SAMD10: variants seen among roughly 807,000 people sequenced by gnomAD.
The protein encoded by SAMD10 is sterile alpha motif domain containing 10.
In SAMD10, 16 loss-of-function variants were observed where a neutral mutation model predicts 22.5. The observed-to-expected ratio is 0.71, with a 90% CI of 0.48 to 1.08. The LOEUF is 1.08. SAMD10 is among the 50% of genes least tolerant of loss of function. SAMD10 has a pLI of 0.00. For synonymous variants in SAMD10, 118 were observed against 122.2 expected, an observed-to-expected ratio of 0.97 and a Z score of 0.23; for missense variants, 227 against 281.3, an observed-to-expected ratio of 0.81 and a Z score of 1.38.
chr20:63,979,531 C>T lies in SAMD10; in HGVS notation c.-64G>A. 2.8e-6 allele frequency: 3 copies of T among 1,056,886 alleles called. No homozygotes were observed. The highest frequency in any genetic ancestry group is 3.4e-6 in the Non-Finnish European group (3 of 876,724). 65.5% of individuals were successfully genotyped at this position (1,056,886 alleles called of 1,614,324 possible). On this transcript the variant is annotated 5_prime_UTR_variant, in exon 1 of 5. Coordinates refer to ENST00000369886, the MANE Select transcript of SAMD10 (RefSeq NM_080621.5). This position sits in a 1 kb window ranked among gnomAD's most constrained non-coding sequence, Gnocchi z 7.7. ...CCGAGTGCAGGGCGGCCGGTGTGGC[C>T]GGCGGGGAACGCGCGCCGCCGCCCC... is the stretch of plus-strand genomic sequence containing the variant.
Position 63,979,312 on chromosome 20 carries a change from C to A in SAMD10, c.91+65G>T. On this transcript the variant is annotated intron_variant, in intron 1 of 4. Coordinates refer to ENST00000369886, the MANE Select transcript of SAMD10 (RefSeq NM_080621.5). The surrounding 1 kb of genome is among the most constrained non-coding windows in gnomAD (Gnocchi z 7.7). ...AGCCCGCCGGGTCCCGCCCCGCCCC[C>A]GTGCCTCTGGGTCCCTGAGACCCCC... 1 of 1,171,160 alleles carries A rather than the reference C, an allele frequency of 8.5e-7. No homozygotes were observed. Among genetic ancestry groups the A allele is most frequent in the South Asian group, 1.6e-5 (1 of 62,906 alleles). The allele number at this position is 1,171,160 out of a possible 1,614,324, so 72.5% of individuals were successfully genotyped here.
Position 63,977,418 on chromosome 20 carries a change from G to T in SAMD10, c.92-12C>A. On this transcript the variant is annotated splice_polypyrimidine_tract_variant and intron_variant, in intron 1 of 4. Coordinates refer to ENST00000369886, the MANE Select transcript of SAMD10 (RefSeq NM_080621.5). This position sits in a 1 kb window ranked among gnomAD's most constrained non-coding sequence, Gnocchi z 5.4. ...GAAGTGGGCAGTGGCTGTGTGTGGGGGTGCCTGGTCAGGGCAGTCAAGGGC... is the reference window on the plus strand; with the variant it reads ...GAAGTGGGCAGTGGCTGTGTGTGGGTGTGCCTGGTCAGGGCAGTCAAGGGC... 6.2e-7 allele frequency: 1 copy of T among 1,612,128 alleles called. No homozygotes were observed.
intron 3 of SAMD10, among the ~76,000 whole-genome samples, chr20:63,976,489 G>A (rs991148132): frequency 6.6e-6 from 1 of 151,740 alleles, no homozygotes; most frequent in South Asian, 2.1e-4. Context: ...AGGTCCGGAC[G>A]CAGTGGCTCA....
intron 1 of SAMD10, chr20:63,978,375 G>C (rs1427252898): frequency 8.5e-7 from 1 of 1,175,326 alleles, no homozygotes; most frequent in Non-Finnish European, 1.1e-6. Flanking sequence ...TGGGGAGACA[G>C]AAGGTGGGCA....
Position 63,977,221 on chromosome 20 carries a change from G to A in SAMD10, c.273+4C>T, listed in dbSNP as rs541989740. 6 of 1,613,000 alleles carry A rather than the reference G, an allele frequency of 3.7e-6. No individual in the cohort carries two copies. The highest frequency in any genetic ancestry group is 2.7e-5 in the African/African-American group (2 of 74,976). Reference sequence around the variant, plus strand: ...GGACGGAGGTGGGTGGAGTGGGTGGGTACCTGGGGGGTGTCTGTGCCGGGC... The same window carrying A: ...GGACGGAGGTGGGTGGAGTGGGTGGATACCTGGGGGGTGTCTGTGCCGGGC... On this transcript the variant is annotated splice_donor_region_variant and intron_variant, in intron 2 of 4. Transcript: ENST00000369886. The surrounding 1 kb of genome is among the most constrained non-coding windows in gnomAD (Gnocchi z 5.4).
At chr20:63,978,246 T>G in intron 1 of SAMD10, 1 of 1,229,332 alleles carries the variant, frequency 8.1e-7, no homozygotes, top group South Asian at 1.3e-5. Flanking sequence ...ACTGCTGACC[T>G]GAGTCTGGGG....
At position 63,977,550 on chromosome 20, in the gene SAMD10, A is replaced by G. The variant is rs1477665534; in HGVS notation, c.92-144T>C. On this transcript the variant is annotated intron_variant, in intron 1 of 4. Coordinates refer to ENST00000369886, the MANE Select transcript of SAMD10 (RefSeq NM_080621.5). This position sits in a 1 kb window ranked among gnomAD's most constrained non-coding sequence, Gnocchi z 5.4. ...GAGGGGTTCCCAAGCCTCCAAAGGC[A>G]GAAGGAAGTGTGCAGGACCTGTTTC... is the stretch of plus-strand genomic sequence containing the variant. 1 of 811,874 alleles carries G rather than the reference A, an allele frequency of 1.2e-6. No homozygotes were observed. The highest frequency in any genetic ancestry group is 2.0e-6 in the Non-Finnish European group (1 of 511,900). The allele number at this position is 811,874 out of a possible 1,614,324, so 50.3% of individuals were successfully genotyped here.
chr20:63,978,424 G>T, intron 1 of SAMD10: 1 of 620,656 alleles, frequency 1.6e-6, no homozygotes. Flanking sequence ...TAGCACCCAG[G>T]CCTTCAGCAG....
Position 63,977,246 on chromosome 20 carries a change from C to T in SAMD10, c.252G>A (p.Gln84=). ...ASSRPIKLLQ[Q]PGTDTPQGRL... is the part of the protein sequence containing the mutation. ...GTACCTGGGGGGTGTCTGTGCCGGG[C>T]TGCTGCAGGAGCTTGATTGGCCTGC... is the stretch of plus-strand genomic sequence containing the variant. Residue 84 remains glutamine, a synonymous_variant, in exon 2 of 5, where the codon CAG becomes CAA. Transcript: ENST00000369886. The surrounding 1 kb of genome is among the most constrained non-coding windows in gnomAD (Gnocchi z 5.4). 1 of 1,613,442 alleles carries T rather than the reference C, an allele frequency of 6.2e-7. No homozygotes were observed. Among genetic ancestry groups the T allele is most frequent in the Non-Finnish European group, 8.5e-7 (1 of 1,179,964 alleles).
Position 63,978,009 on chromosome 20 carries a change from C to T in SAMD10, c.92-603G>A, listed in dbSNP as rs1340840298. Among the ~76,000 whole-genome samples the T allele has an allele frequency of 3.9e-5, 6 of 152,344 alleles. No homozygotes were observed. The South Asian group carries it at 6.2e-4, about 16-fold the overall frequency. ...GCCAACTGACAAGCAGGGCTCACTCCGCAAACACGCGCTGGGCTCTCCAGC... is the reference window on the plus strand; with the variant it reads ...GCCAACTGACAAGCAGGGCTCACTCTGCAAACACGCGCTGGGCTCTCCAGC... On this transcript the variant is annotated intron_variant, in intron 1 of 4. Transcript: ENST00000369886.
At position 63,977,808 on chromosome 20, in the gene SAMD10, A is replaced by T. The variant is rs1006922981; in HGVS notation, c.92-402T>A. Among the ~76,000 whole-genome samples, 1 of 152,258 alleles carries T rather than the reference A, an allele frequency of 6.6e-6. No homozygotes were observed. Among genetic ancestry groups the T allele is most frequent in the African/African-American group, 2.4e-5 (1 of 41,468 alleles). ...CACCACACCAGACCAGGAAGTGCAC[A>T]CACGGCCTGCTTTGAGGAAAGGCAG... On this transcript the variant is annotated intron_variant, in intron 1 of 4. Transcript: ENST00000369886. This position sits in a 1 kb window ranked among gnomAD's most constrained non-coding sequence, Gnocchi z 5.4.
At position 63,977,476 on chromosome 20, in the gene SAMD10, C is replaced by T. The variant is rs2059033109; in HGVS notation, c.92-70G>A. 6.7e-7 allele frequency: 1 copy of T among 1,489,844 alleles called. No homozygotes were observed. The highest frequency in any genetic ancestry group is 1.4e-5 in the African/African-American group (1 of 72,578). The allele number at this position is 1,489,844 out of a possible 1,614,324, so 92.3% of individuals were successfully genotyped here. On this transcript the variant is annotated intron_variant, in intron 1 of 4. Coordinates refer to ENST00000369886, the MANE Select transcript of SAMD10 (RefSeq NM_080621.5). This position sits in a 1 kb window ranked among gnomAD's most constrained non-coding sequence, Gnocchi z 5.4. ...GAGGCTTCCTCTACTTGAGAGCTAG[C>T]TCCCTGCCCCATCTCCTCCACACTA... is the stretch of plus-strand genomic sequence containing the variant.
At chr20:63,979,743 C>T (rs2059051582), upstream of SAMD10, 1 of 953,438 alleles carries the variant, frequency 1.0e-6, no homozygotes, top group South Asian at 4.8e-5. This position sits in a 1 kb window ranked among gnomAD's most constrained non-coding sequence, Gnocchi z 7.7. Context: ...CGCCCCTGGG[C>T]ACGGCTCCGC....
Position 63,975,117 on chromosome 20 carries a change from A to G in SAMD10, c.*393T>C. 1 of 262,312 alleles carries G rather than the reference A, an allele frequency of 3.8e-6. No homozygotes were observed. Among genetic ancestry groups the G allele is most frequent in the Non-Finnish European group, 7.4e-6 (1 of 135,320 alleles). The allele number at this position is 262,312 out of a possible 1,614,324, so 16.2% of individuals were successfully genotyped here. A position where few individuals can be genotyped will look rare whatever the true frequency, so the allele number is the denominator to read the frequency against. ...GGCTGGGTGGGTGGACAGACAAGTG[A>G]CTCAGCAGGCGATGGGGGACCGACA... On this transcript the variant is annotated 3_prime_UTR_variant, in exon 5 of 5. Coordinates refer to ENST00000369886, the MANE Select transcript of SAMD10 (RefSeq NM_080621.5).
rs2059007060 is a variant in SAMD10 at position 63,974,339 on chromosome 20, G to T, written c.*1171C>A. ...GGGCAGGGATGAGGGTCTCCCCGTG[G>T]TGGGGGCTTACAGGATGGGAGCGGC... is the stretch of plus-strand genomic sequence containing the variant. On this transcript the variant is annotated 3_prime_UTR_variant, in exon 5 of 5. Transcript: ENST00000369886. The T allele has an allele frequency of 6.6e-6, 1 of 152,620 alleles. No homozygotes were observed. The highest frequency in any genetic ancestry group is 1.5e-5 in the Non-Finnish European group (1 of 68,116). The allele number at this position is 152,620 out of a possible 1,614,324, so 9.5% of individuals were successfully genotyped here. A position where few individuals can be genotyped will look rare whatever the true frequency, so the allele number is the denominator to read the frequency against.
chr20:63,975,486 T>G lies in SAMD10; in HGVS notation c.*24A>C, dbSNP rs2059015495. On this transcript the variant is annotated 3_prime_UTR_variant, in exon 5 of 5. Coordinates refer to ENST00000369886, the MANE Select transcript of SAMD10 (RefSeq NM_080621.5). ...GTGGACTCCCATCACAGTGCTGGGGTCTGGGTTCAAGCCTCAGCAGCAGCT... is the reference window on the plus strand; with the variant it reads ...GTGGACTCCCATCACAGTGCTGGGGGCTGGGTTCAAGCCTCAGCAGCAGCT... 1 of 1,610,654 alleles carries G rather than the reference T, an allele frequency of 6.2e-7. No homozygotes were observed. Among genetic ancestry groups the G allele is most frequent in the Non-Finnish European group, 8.5e-7 (1 of 1,178,856 alleles).
rs1285357198 is a variant in SAMD10, at chr20:63,979,307, G to T, written c.91+70C>A. ...CTCGAAGCCCGCCGGGTCCCGCCCC[G>T]CCCCCGTGCCTCTGGGTCCCTGAGA... is the stretch of plus-strand genomic sequence containing the variant. On this transcript the variant is annotated intron_variant, in intron 1 of 4. Coordinates refer to ENST00000369886, the MANE Select transcript of SAMD10 (RefSeq NM_080621.5). This position sits in a 1 kb window ranked among gnomAD's most constrained non-coding sequence, Gnocchi z 7.7. 4 of 440,004 alleles carry T rather than the reference G, an allele frequency of 9.1e-6. No homozygotes were observed. Among genetic ancestry groups the T allele is most frequent in the Non-Finnish European group, 1.3e-5 (4 of 303,718 alleles). The allele number at this position is 440,004 out of a possible 1,614,324, so 27.3% of individuals were successfully genotyped here. A position where few individuals can be genotyped will look rare whatever the true frequency, so the allele number is the denominator to read the frequency against.
At position 63,975,438 on chromosome 20, in the gene SAMD10, C is replaced by T. The variant is rs542225205; in HGVS notation, c.*72G>A. 6 of 1,594,822 alleles carry T rather than the reference C, an allele frequency of 3.8e-6. No individual in the cohort carries two copies. The South Asian group carries it at 6.6e-5, about 18-fold the overall frequency. ...GCAGGGTCCAAGAGGCGCTGCGGGG[C>T]CAGCTTGGCCTCCTCCCTAGCCGTG... is the stretch of plus-strand genomic sequence containing the variant. On this transcript the variant is annotated 3_prime_UTR_variant, in exon 5 of 5. Transcript: ENST00000369886.
Position 63,977,130 on chromosome 20 carries a change from A to G in SAMD10, c.286T>C (p.Ser96Pro), listed in dbSNP as rs1227603175. Residue 96 changes from serine to proline, a missense_variant, in exon 3 of 5, where the codon TCT becomes CCT. By Grantham distance (74) the Ser-to-Pro change is moderately conservative. Coordinates refer to ENST00000369886, the MANE Select transcript of SAMD10 (RefSeq NM_080621.5). The surrounding 1 kb of genome is among the most constrained non-coding windows in gnomAD (Gnocchi z 5.4). ...GTDTPQGRLY[S>P]DHYGLYHTSP... ...GTATGGTACAGGCCATAGTGGTCAG[A>G]GTACAGCCGGCCCTGCAGGGGAGGG... The G allele has an allele frequency of 1.9e-6, 3 of 1,611,448 alleles. No individual in the cohort carries two copies. The highest frequency in any genetic ancestry group is 2.5e-6 in the Non-Finnish European group (3 of 1,178,702).
Sources: allele counts gnomAD v4.1 joint callset (sites outside exome capture counted in the v4.1 genomes callset), GRCh38; gene constraint gnomAD v4.1.1; non-coding constraint Gnocchi (gnomAD v3.1); transcripts MANE v1.5; gene names NCBI Gene and HGNC (gene_info 2026-07-23, HGNC 2026-07-21).